APBB2: variants seen among roughly 807,000 people sequenced by gnomAD.
APBB2 encodes the protein Fe65-like 1.
Under a neutral mutation model 82.5 loss-of-function variants are expected in APBB2, and 38 were observed. The ratio of observed to expected loss-of-function variants is 0.46; its 90% confidence interval spans 0.36 to 0.60. APBB2 has a LOEUF of 0.60. Among genes scored for constraint, APBB2 ranks in the 20% least tolerant of loss-of-function variants. The pLI, the probability that APBB2 is intolerant of heterozygous loss-of-function variation, is 0.00. For missense variants in APBB2, 772 were observed against 972.3 expected (o/e 0.79, Z 2.74); for synonymous variants, 341 against 368.2 (o/e 0.93, Z 0.85).
rs553255217 is a variant in APBB2 at position 40,855,109 on chromosome 4, C to T, written c.1530-24532G>A. On this transcript the variant is annotated intron_variant, in intron 12 of 17. Transcript: ENST00000508593. ...ATGACCTGAGGCCCCTCGTTGTTTG[C>T]GCCTACTGCCACATGCTCAGCTGAC... Among the ~76,000 whole-genome samples, 7 of 152,286 alleles carry T rather than the reference C, an allele frequency of 4.6e-5. No homozygotes were observed. The South Asian group carries it at 1.2e-3, about 27-fold the overall frequency.
At chr4:40,963,011 T>C (rs984034607) in intron 6 of APBB2, among the ~76,000 whole-genome samples, 6 of 152,218 alleles carry the variant, frequency 3.9e-5, no homozygotes, top group African/African-American at 1.4e-4. Context: ...TTTGTTACAC[T>C]ACAGAAATAC....
intron 12 of APBB2, among the ~76,000 whole-genome samples, chr4:40,831,213 C>T (rs1327512433): frequency 6.6e-6 from 1 of 151,996 alleles, no homozygotes; most frequent in African/African-American, 2.4e-5. Flanking sequence ...GCCTGGCCAA[C>T]ACAGTGAAAC....
At chr4:41,152,471 C>CG (rs1762508477) in intron 1 of APBB2, among the ~76,000 whole-genome samples, 2 of 152,024 alleles carry the variant, frequency 1.3e-5, no homozygotes, top group Non-Finnish European at 2.9e-5. Flanking sequence ...TACAGGCGCC[C>CG]ACCACCAACC....
intron 6 of APBB2, among the ~76,000 whole-genome samples, chr4:41,005,216 G>A (rs1367408620): frequency 2.0e-5 from 3 of 151,954 alleles, no homozygotes; most frequent in South Asian, 2.1e-4. Context: ...TCAGCCTCCC[G>A]AGTAGCTGGG....
intron 12 of APBB2, among the ~76,000 whole-genome samples, chr4:40,882,229 G>C (rs1768830975): frequency 6.6e-6 from 1 of 152,214 alleles, no homozygotes; most frequent in Admixed American, 6.5e-5. Flanking sequence ...CAACTGTTAA[G>C]AGGGGGGCTC....
chr4:40,907,888 G>A (rs1578349963), intron 10 of APBB2, among the ~76,000 whole-genome samples: 1 of 149,886 alleles, frequency 6.7e-6, no homozygotes, highest in East Asian at 2.0e-4. Flanking sequence ...AGGCTGGTCT[G>A]GAACTCCTGG....
At chr4:41,197,868 T>G in intron 1 of APBB2, among the ~76,000 whole-genome samples, 1 of 152,032 alleles carries the variant, frequency 6.6e-6, no homozygotes, top group Admixed American at 6.5e-5. Context: ...TCCATCTGAT[T>G]TATGCATTAA....
intron 1 of APBB2, among the ~76,000 whole-genome samples, chr4:41,158,954 C>T (rs1392828259): frequency 6.6e-6 from 1 of 152,162 alleles, no homozygotes; most frequent in Non-Finnish European, 1.5e-5. Flanking sequence ...TAGTCTATGA[C>T]CTGGGCTCAG....
chr4:40,868,517 T>C (rs910126749), intron 12 of APBB2, among the ~76,000 whole-genome samples: 20 of 152,226 alleles, frequency 1.3e-4, no homozygotes, highest in African/African-American at 4.8e-4. Flanking sequence ...ATCCATGACA[T>C]GTGAAATGTG....
At chr4:40,816,871 TG>T (rs1419375446) in intron 17 of APBB2, among the ~76,000 whole-genome samples, 1 of 152,238 alleles carries the variant, frequency 6.6e-6, no homozygotes, top group Non-Finnish European at 1.5e-5. Flanking sequence ...CCCTATTTCC[TG>T]TTTTAATTAA....
At chr4:41,165,623 G>A (rs945397976) in intron 1 of APBB2, among the ~76,000 whole-genome samples, 5 of 152,064 alleles carry the variant, frequency 3.3e-5, no homozygotes, top group Admixed American at 1.3e-4. Context: ...ATTCCAGAGC[G>A]GAACTCTCAC....
chr4:41,039,597 C>A (rs1579465155), intron 4 of APBB2, among the ~76,000 whole-genome samples: 1 of 152,158 alleles, frequency 6.6e-6, no homozygotes, highest in East Asian at 1.9e-4. Flanking sequence ...GTGGTCCACA[C>A]TTGTAAATCC....
At chr4:40,856,670 T>C (rs1199056760) in intron 12 of APBB2, among the ~76,000 whole-genome samples, 2 of 151,694 alleles carry the variant, frequency 1.3e-5, no homozygotes. Flanking sequence ...GCCTCAATCA[T>C]AGAACGCTGT....
chr4:40,813,688 GA>G lies in APBB2; in HGVS notation c.*2403del, dbSNP rs1478608396. The G allele has an allele frequency of 6.6e-6, 1 of 152,166 alleles. No homozygotes were observed. The highest frequency in any genetic ancestry group is 1.9e-4 in the East Asian group (1 of 5,204). The allele number at this position is 152,166 out of a possible 1,614,324, so 9.4% of individuals were successfully genotyped here. A position where few individuals can be genotyped will look rare whatever the true frequency, so the allele number is the denominator to read the frequency against. ...CAGTTTGCTACTTAAAGCTAGCTCA[GA>G]ATTCTTGATCTTGAAAACAAGCAAA... On this transcript the variant is annotated 3_prime_UTR_variant, in exon 18 of 18. Coordinates refer to ENST00000508593, the MANE Select transcript of APBB2 (RefSeq NM_004307.2).
intron 1 of APBB2, among the ~76,000 whole-genome samples, chr4:41,153,278 T>C (rs1387080321): frequency 6.6e-6 from 1 of 152,194 alleles, no homozygotes; most frequent in Non-Finnish European, 1.5e-5. Context: ...CAGAAATACA[T>C]TAAAAAATGT....
At chr4:40,999,246 G>A (rs1033001521) in intron 6 of APBB2, among the ~76,000 whole-genome samples, 2 of 152,098 alleles carry the variant, frequency 1.3e-5, no homozygotes, top group African/African-American at 4.8e-5. Flanking sequence ...TTCGAAACCA[G>A]CCTGGGCAAT....
At chr4:41,049,036 G>A (rs1377117989) in intron 4 of APBB2, among the ~76,000 whole-genome samples, 1 of 152,064 alleles carries the variant, frequency 6.6e-6, no homozygotes, top group Non-Finnish European at 1.5e-5. Context: ...CCAGCAGCCT[G>A]CCTTGGCCTC....
At chr4:41,124,358 G>T (rs1753775792) in intron 2 of APBB2, among the ~76,000 whole-genome samples, 1 of 152,070 alleles carries the variant, frequency 6.6e-6, no homozygotes, top group Non-Finnish European at 1.5e-5. Flanking sequence ...AGCTGGGACT[G>T]TAGGCGCCCA....
chr4:41,196,749 T>C, intron 1 of APBB2, among the ~76,000 whole-genome samples: 1 of 152,128 alleles, frequency 6.6e-6, no homozygotes, highest in East Asian at 1.9e-4. Flanking sequence ...GAGCACATTT[T>C]CCTTTCATGA....
Sources: gnomAD v4.1 joint callset for allele counts (sites outside exome capture counted in the v4.1 genomes callset) on GRCh38, gnomAD v4.1.1 for gene constraint, MANE v1.5 for transcripts, NCBI Gene and HGNC (gene_info 2026-07-23, HGNC 2026-07-21) for gene names.